Variants in DLC1 observed in about 807,000 individuals in gnomAD.
The protein encoded by DLC1 is DLC1 Rho GTPase activating protein.
Under a neutral mutation model 140.3 loss-of-function variants are expected in DLC1, and 54 were observed. The observed-to-expected ratio is 0.38, with a 90% CI of 0.31 to 0.48. The LOEUF is 0.48. Among genes scored for constraint, DLC1 ranks in the 20% least tolerant of loss-of-function variants. The pLI is 0.96. For synonymous variants in DLC1, 986 were observed against 728.1 expected (o/e 1.35, Z -5.70); for missense variants, 2,536 against 1,907.0 (o/e 1.33, Z -6.14).
At chr8:13,553,775 C>T (rs1803947280) in intron 1 of DLC1, among the ~76,000 whole-genome samples, 1 of 152,266 alleles carries the variant, frequency 6.6e-6, no homozygotes, top group Non-Finnish European at 1.5e-5. Flanking sequence ...GATCCCTACA[C>T]CTTCAAAACG....
At chr8:13,115,025 G>T (rs1410283918) in intron 6 of DLC1, among the ~76,000 whole-genome samples, 2 of 152,152 alleles carry the variant, frequency 1.3e-5, no homozygotes, top group African/African-American at 4.8e-5. Context: ...ATAGATGCAA[G>T]AATGTTCACA....
chr8:13,439,480 C>G (rs1585109962), intron 2 of DLC1, among the ~76,000 whole-genome samples: 1 of 146,994 alleles, frequency 6.8e-6, no homozygotes, highest in African/African-American at 2.5e-5. Flanking sequence ...TTTTTCTTTT[C>G]TTTTTTTTTT....
intron 1 of DLC1, among the ~76,000 whole-genome samples, chr8:13,527,892 G>A (rs2117299435): frequency 6.6e-6 from 1 of 152,178 alleles, no homozygotes; most frequent in East Asian, 1.9e-4. Context: ...AGGTCTCCTT[G>A]CTTTTGCCAC....
intron 2 of DLC1, among the ~76,000 whole-genome samples, chr8:13,471,499 G>T (rs1301199477): frequency 6.9e-6 from 1 of 145,792 alleles, no homozygotes; most frequent in Non-Finnish European, 1.5e-5. Context: ...AAGGGAGGCA[G>T]GGAAAGGAGG....
At chr8:13,472,709 C>T (rs1034537435) in intron 2 of DLC1, among the ~76,000 whole-genome samples, 2 of 152,132 alleles carry the variant, frequency 1.3e-5, no homozygotes, top group African/African-American at 2.4e-5. Flanking sequence ...TTCAAATGTT[C>T]CTCCTAGTAG....
intron 5 of DLC1, among the ~76,000 whole-genome samples, chr8:13,242,597 T>G (rs1392751523): frequency 6.6e-6 from 1 of 152,122 alleles, no homozygotes; most frequent in Non-Finnish European, 1.5e-5. Flanking sequence ...TTTTGCCGTT[T>G]GCCCAGGCTG....
Position 13,373,711 on chromosome 8 carries a change from C to T in DLC1, c.1314+19842G>A, listed in dbSNP as rs1835833861. ...AATGATGGTCACTGGGAGAGGGCTCCCTGTGCCTTGAATATTCTGCTAAGA... is the reference window on the plus strand; with the variant it reads ...AATGATGGTCACTGGGAGAGGGCTCTCTGTGCCTTGAATATTCTGCTAAGA... On this transcript the variant is annotated intron_variant, in intron 4 of 17. Coordinates refer to ENST00000276297, the MANE Select transcript of DLC1 (RefSeq NM_182643.3). Among the ~76,000 whole-genome samples the T allele has an allele frequency of 1.3e-5, 2 of 152,052 alleles. 1 individual carries two copies. The highest frequency in any genetic ancestry group is 2.9e-5 in the Non-Finnish European group (2 of 68,018).
chr8:13,205,191 T>C (rs1166718476), intron 5 of DLC1, among the ~76,000 whole-genome samples: 1 of 152,186 alleles, frequency 6.6e-6, no homozygotes, highest in Non-Finnish European at 1.5e-5. Context: ...ATAAATATCA[T>C]TTGCACCTGT....
chr8:13,383,206 T>A (rs1213756262), intron 4 of DLC1, among the ~76,000 whole-genome samples: 1 of 152,200 alleles, frequency 6.6e-6, no homozygotes, highest in African/African-American at 2.4e-5. Context: ...TATGAATGAT[T>A]CCAGCCAAAG....
chr8:13,523,416 C>A (rs1435134204), intron 1 of DLC1, among the ~76,000 whole-genome samples: 1 of 152,020 alleles, frequency 6.6e-6, no homozygotes, highest in Non-Finnish European at 1.5e-5. Flanking sequence ...AGACAGAGTT[C>A]AGAATTTTAG....
intron 5 of DLC1, among the ~76,000 whole-genome samples, chr8:13,188,004 A>G (rs1826486195): frequency 6.6e-6 from 1 of 151,922 alleles, no homozygotes; most frequent in South Asian, 2.1e-4. Context: ...TAAAAATAGA[A>G]TAGTTGCTTT....
chr8:13,453,579 T>C (rs1352896478), intron 2 of DLC1, among the ~76,000 whole-genome samples: 2 of 124,252 alleles, frequency 1.6e-5, no homozygotes, highest in African/African-American at 3.1e-5. Flanking sequence ...TTTTTTCAGA[T>C]AGAAATGTTT....
chr8:13,505,378 T>C (rs117130153), intron 1 of DLC1, among the ~76,000 whole-genome samples: 4,981 of 152,260 alleles, frequency 0.033, 122 homozygotes, highest in Non-Finnish European at 0.054. Flanking sequence ...AATCATATTG[T>C]TTAGAAATAC....
chr8:13,478,245 G>C (rs1800528703), intron 2 of DLC1, among the ~76,000 whole-genome samples: 1 of 124,316 alleles, frequency 8.0e-6, no homozygotes, highest in African/African-American at 3.0e-5. Context: ...GAAAGCAGGA[G>C]TGAGTGAGAG....
chr8:13,564,319 A>G (rs952544859), intron 1 of DLC1, among the ~76,000 whole-genome samples: 1 of 152,226 alleles, frequency 6.6e-6, no homozygotes, highest in Admixed American at 6.5e-5. Flanking sequence ...CTTGAGTGAT[A>G]TACGATTCTT....
intron 5 of DLC1, among the ~76,000 whole-genome samples, chr8:13,135,917 A>G (rs993083034): frequency 3.9e-5 from 6 of 152,196 alleles, no homozygotes; most frequent in Non-Finnish European, 7.3e-5. Context: ...ATTGTATAAT[A>G]ATACTAATAA....
intron 2 of DLC1, among the ~76,000 whole-genome samples, chr8:13,408,965 A>G (rs566307669): frequency 1.8e-4 from 27 of 152,306 alleles, no homozygotes; most frequent in African/African-American, 6.3e-4. Context: ...GAACAACAAA[A>G]AAAGACATAA....
At position 13,084,604 on chromosome 8, in the gene DLC1, T is replaced by C. The variant is rs531766181; in HGVS notation, c.*1207A>G. The C allele has an allele frequency of 1.2e-3, 124 of 99,750 alleles. No individual in the cohort carries two copies. Among genetic ancestry groups the C allele is most frequent in the African/African-American group, 6.3e-3 (120 of 19,132 alleles). The allele number at this position is 99,750 out of a possible 1,614,324, so 6.2% of individuals were successfully genotyped here. A position where few individuals can be genotyped will look rare whatever the true frequency, so the allele number is the denominator to read the frequency against. ...ACTTAAATATATTTCCAGGGCATTCTAAAGGAAAAAAAAAAAAAAAGAAAT... is the reference window on the plus strand; with the variant it reads ...ACTTAAATATATTTCCAGGGCATTCCAAAGGAAAAAAAAAAAAAAAGAAAT... On this transcript the variant is annotated 3_prime_UTR_variant, in exon 18 of 18. Coordinates refer to ENST00000276297, the MANE Select transcript of DLC1 (RefSeq NM_182643.3).
rs1279040046 is a variant in DLC1 at position 13,086,423 on chromosome 8, A to G, written c.4333T>C (p.Leu1445=). The part of the protein sequence containing the change: ...TNLPKGACAL[L]LTSVDHDRAP... ...CGATCGTGATCCACAGAGGTTAGTA[A>G]AAGGGCACAGGCTCCTTTGGGTAAA... is the stretch of plus-strand genomic sequence containing the variant. The change falls in exon 17 of 18, where the codon TTA becomes CTA. Residue 1445 remains leucine, a synonymous_variant. Coordinates refer to ENST00000276297, the MANE Select transcript of DLC1 (RefSeq NM_182643.3). 6.2e-7 allele frequency: 1 copy of G among 1,614,242 alleles called. No homozygotes were observed. The highest frequency in any genetic ancestry group is 1.1e-5 in the South Asian group (1 of 91,086).
Sources: gnomAD v4.1 joint callset for allele counts (sites outside exome capture counted in the v4.1 genomes callset) on GRCh38, gnomAD v4.1.1 for gene constraint, MANE v1.5 for transcripts, NCBI Gene and HGNC (gene_info 2026-07-23, HGNC 2026-07-21) for gene names.